Variants in FGF14 observed in about 807,000 individuals in gnomAD.
FGF14 encodes fibroblast growth factor 14.
Under a neutral mutation model 25.5 loss-of-function variants are expected in FGF14, and 5 were observed. The ratio of observed to expected loss-of-function variants is 0.20; its 90% CI spans 0.10 to 0.41. The LOEUF (loss-of-function observed/expected upper bound fraction) is 0.41, where lower values mean the gene tolerates loss of function less well. FGF14 is among the 10% of genes least tolerant of loss of function. The pLI is 1.00. For synonymous variants in FGF14, 138 were observed against 118.3 expected, an observed-to-expected ratio of 1.17 and a Z score of -1.08; for missense variants, 222 against 320.1, an observed-to-expected ratio of 0.69 and a Z score of 2.34.
At chr13:102,189,026 A>G (rs9557832) in intron 1 of FGF14, among the ~76,000 whole-genome samples, 12 of 69,760 alleles carry the variant, frequency 1.7e-4, no homozygotes, top group East Asian at 1.3e-3. Context: ...ATGAAAGAAG[A>G]AAAGAAAGAA....
At position 101,713,514 on chromosome 13, in the gene FGF14, A is replaced by C. The variant is rs2034576052; in HGVS notation, c.*9317T>G. ...AAGAACAACCAACCCAAGGAAACAG[A>C]AGGAAAAGAAAGTCCTTTTTATTTG... On this transcript the variant is annotated 3_prime_UTR_variant, in exon 5 of 5. Transcript: ENST00000376143. The C allele has an allele frequency of 6.6e-6, 1 of 152,208 alleles. No homozygotes were observed. Among genetic ancestry groups the C allele is most frequent in the African/African-American group, 2.4e-5 (1 of 41,444 alleles). The allele number at this position is 152,208 out of a possible 1,614,324, so 9.4% of individuals were successfully genotyped here. A position where few individuals can be genotyped will look rare whatever the true frequency, so the allele number is the denominator to read the frequency against.
At chr13:101,927,221 T>C (rs942796156) in intron 1 of FGF14, among the ~76,000 whole-genome samples, 1 of 152,224 alleles carries the variant, frequency 6.6e-6, no homozygotes, top group Non-Finnish European at 1.5e-5. Flanking sequence ...ATAGCGGCCA[T>C]TGCACTTGAC....
At position 102,339,009 on chromosome 13, in the gene FGF14, C is replaced by CA. The variant is rs56216247; in HGVS notation, c.208+62461dup. Among the ~76,000 whole-genome samples, 268 of 134,154 alleles carry CA rather than the reference C, an allele frequency of 2.0e-3. 5 individuals are homozygous for CA. In the South Asian group the frequency reaches 0.045, roughly 23 times the overall value. The allele number at this position is 134,154 out of a possible 152,430, so 88.0% of individuals were successfully genotyped here. A position where few individuals can be genotyped will look rare whatever the true frequency, so the allele number is the denominator to read the frequency against. On this transcript the variant is annotated intron_variant, in intron 1 of 4. Transcript: ENST00000376131. ...TGGGCAACAGAGTAAGACTCTGTCT[C>CA]AAAAAAAAAAAAAAAAGAAAGAAAA...
chr13:102,137,019 G>A (rs532001791), intron 1 of FGF14, among the ~76,000 whole-genome samples: 1 of 152,222 alleles, frequency 6.6e-6, no homozygotes, highest in African/African-American at 2.4e-5. Context: ...AGGCCATACT[G>A]CTCTTTATAT....
At chr13:102,011,883 T>C (rs2040100285) in intron 1 of FGF14, among the ~76,000 whole-genome samples, 1 of 152,230 alleles carries the variant, frequency 6.6e-6, no homozygotes, top group African/African-American at 2.4e-5. Context: ...AGTGGAGAAC[T>C]GCTTAACTAA....
chr13:101,884,102 G>A (rs1171664862), intron 1 of FGF14, among the ~76,000 whole-genome samples: 1 of 131,480 alleles, frequency 7.6e-6, no homozygotes, highest in Non-Finnish European at 1.6e-5. Context: ...AGGAAATGGA[G>A]GCAGAGAGTC....
chr13:101,880,961 A>G (rs1490955943), intron 1 of FGF14, among the ~76,000 whole-genome samples: 1 of 152,194 alleles, frequency 6.6e-6, no homozygotes, highest in African/African-American at 2.4e-5. Context: ...GGGTTTTGAA[A>G]CGGAAACACA....
At chr13:102,298,675 G>A (rs1022254478) in intron 1 of FGF14, among the ~76,000 whole-genome samples, 1 of 152,110 alleles carries the variant, frequency 6.6e-6, no homozygotes, top group African/African-American at 2.4e-5. Context: ...ACACAAGGGT[G>A]ATTGCCTAAT....
chr13:102,298,909 A>C (rs1355411838), intron 1 of FGF14, among the ~76,000 whole-genome samples: 1 of 152,210 alleles, frequency 6.6e-6, no homozygotes, highest in Non-Finnish European at 1.5e-5. Flanking sequence ...TGAGAACTGA[A>C]TAAATGTGAT....
chr13:101,804,874 A>C (rs2041112194), intron 3 of FGF14, among the ~76,000 whole-genome samples: 1 of 152,144 alleles, frequency 6.6e-6, no homozygotes, highest in East Asian at 1.9e-4. Flanking sequence ...CTGGATACCC[A>C]ATGCAACACA....
chr13:102,147,872 CTG>C (rs1187648962), intron 1 of FGF14, among the ~76,000 whole-genome samples: 1 of 152,180 alleles, frequency 6.6e-6, no homozygotes, highest in Non-Finnish European at 1.5e-5. Context: ...TAGGGAAAAA[CTG>C]TGCAGGTTTT....
At chr13:101,786,849 A>G (rs928288775) in intron 3 of FGF14, among the ~76,000 whole-genome samples, 4 of 152,152 alleles carry the variant, frequency 2.6e-5, no homozygotes, top group African/African-American at 9.7e-5. Context: ...TAGCATTTAT[A>G]TAGGCTGGTG....
intron 3 of FGF14, among the ~76,000 whole-genome samples, chr13:101,796,934 G>A (rs2040559428): frequency 6.6e-6 from 1 of 151,860 alleles, no homozygotes. Flanking sequence ...GGGCCTCCTT[G>A]GCCAAATATT....
chr13:102,322,198 G>T (rs991066565), intron 1 of FGF14, among the ~76,000 whole-genome samples: 1 of 152,180 alleles, frequency 6.6e-6, no homozygotes, highest in Admixed American at 6.5e-5. Context: ...GATGTACAGG[G>T]TATTGCCATG....
At chr13:101,788,329 T>A (rs919810559) in intron 3 of FGF14, among the ~76,000 whole-genome samples, 3 of 152,168 alleles carry the variant, frequency 2.0e-5, no homozygotes, top group Admixed American at 1.3e-4. Context: ...GATTTCCCTG[T>A]CCAGGCTGTC....
chr13:101,831,254 A>C (rs1421402252), intron 3 of FGF14, among the ~76,000 whole-genome samples: 2 of 150,066 alleles, frequency 1.3e-5, no homozygotes, highest in Non-Finnish European at 1.5e-5. Context: ...TTATTTATTT[A>C]TTTATTTATT....
intron 1 of FGF14, among the ~76,000 whole-genome samples, chr13:101,961,082 A>G (rs1298262730): frequency 6.6e-6 from 1 of 152,126 alleles, no homozygotes; most frequent in Non-Finnish European, 1.5e-5. Context: ...CATTCTGGAT[A>G]TTAGACTTTT....
chr13:101,794,714 CAAAGCCATCTCTAGCAATTTAA>C, intron 3 of FGF14, among the ~76,000 whole-genome samples: 1 of 152,202 alleles, frequency 6.6e-6, no homozygotes, highest in East Asian at 1.9e-4. Context: ...TCTTTGATTA[CAAAGCCATCTCTAGCAATTTAA>C]TACAATTATG....
At chr13:102,026,356 A>G (rs2040926839) in intron 1 of FGF14, among the ~76,000 whole-genome samples, 1 of 151,774 alleles carries the variant, frequency 6.6e-6, no homozygotes, top group South Asian at 2.1e-4. Flanking sequence ...ATTTCATTAA[A>G]ATTTTTTTCA....
Sources: allele counts gnomAD v4.1 joint callset (sites outside exome capture counted in the v4.1 genomes callset), GRCh38; gene constraint gnomAD v4.1.1; transcripts MANE v1.5; gene names NCBI Gene and HGNC (gene_info 2026-07-23, HGNC 2026-07-21).